Variants in FBXO41 observed in about 807,000 individuals in gnomAD.
The protein encoded by FBXO41 is F-box only protein 41.
In FBXO41, 33 loss-of-function variants were observed where a neutral mutation model predicts 81.6. That is an observed-to-expected ratio of 0.40 (90% CI 0.31 to 0.54). FBXO41 has a LOEUF of 0.54. FBXO41 is among the 20% of genes least tolerant of loss of function. The probability of loss-of-function intolerance (pLI) is 0.39; values close to 1 mark genes in which losing one functional copy is unlikely to be tolerated. For missense variants in FBXO41, 1,107 were observed against 1,236.0 expected (o/e 0.90, Z 1.56); for synonymous variants, 576 against 552.7 (o/e 1.04, Z -0.59).
At position 73,282,666 on chromosome 2, in the gene FBXO41, G is replaced by A. The variant is rs115971444; in HGVS notation, c.-139+1494C>T. Among the ~76,000 whole-genome samples, 1,126 of 152,270 alleles carry A rather than the reference G, an allele frequency of 7.4e-3. 11 individuals are homozygous for A. Among genetic ancestry groups the A allele is most frequent in the African/African-American group, 0.025 (1,049 of 41,552 alleles). Reference sequence around the variant, plus strand: ...TGCAGTGAGCCATGATCACTCCACCGCACTCCAGCCTTCGTGACAGAGCAA... The same window carrying A: ...TGCAGTGAGCCATGATCACTCCACCACACTCCAGCCTTCGTGACAGAGCAA... On this transcript the variant is annotated intron_variant, in intron 1 of 12. Coordinates refer to ENST00000520530, the MANE Select transcript of FBXO41 (RefSeq NM_001371389.2).
At chr2:73,282,434 T>A (rs1358996499) in intron 1 of FBXO41, among the ~76,000 whole-genome samples, 3 of 152,182 alleles carry the variant, frequency 2.0e-5, no homozygotes, top group Admixed American at 6.5e-5. Flanking sequence ...AAAACAAGGC[T>A]GTGCACAGTG....
At chr2:73,282,528 C>A (rs1688876576) in intron 1 of FBXO41, among the ~76,000 whole-genome samples, 1 of 152,100 alleles carries the variant, frequency 6.6e-6, no homozygotes, top group African/African-American at 2.4e-5. Context: ...CATAGGGAGA[C>A]CCTGTCTCTA....
At chr2:73,262,112 A>T (rs1688040127) in intron 9 of FBXO41, among the ~76,000 whole-genome samples, 1 of 152,166 alleles carries the variant, frequency 6.6e-6, no homozygotes, top group African/African-American at 2.4e-5. Flanking sequence ...AGTCCCAGCT[A>T]CTTGGGAGGC....
At chr2:73,270,863 G>A in intron 1 of FBXO41, 3 of 534,398 alleles carry the variant, frequency 5.6e-6, no homozygotes, top group South Asian at 2.8e-5. Context: ...GGCTTCCACT[G>A]CCCTGTGATC....
rs78021067 is a variant in FBXO41 at position 73,278,832 on chromosome 2, T to G, written c.-139+5328A>C. Among the ~76,000 whole-genome samples, 386 of 152,318 alleles carry G rather than the reference T, an allele frequency of 2.5e-3. 7 individuals are homozygous for G. Among genetic ancestry groups the G allele is most frequent in the East Asian group, 3.3e-3 (17 of 5,190 alleles). ...GCAAGGAAGTGAGAAAGAGTATTCC[T>G]CCTTCAGGGAACTAAAATGTAAGCT... is the stretch of plus-strand genomic sequence containing the variant. On this transcript the variant is annotated intron_variant, in intron 1 of 12. Transcript: ENST00000520530.
chr2:73,263,571 T>G (rs1424108693), intron 8 of FBXO41, 107 bp downstream of exon 8: 1 of 1,422,298 alleles, frequency 7.0e-7, no homozygotes, highest in South Asian at 1.4e-5. Context: ...ATAGAGCTCT[T>G]GGATCCCTTT....
At chr2:73,274,499 C>T (rs151142353) in intron 1 of FBXO41, among the ~76,000 whole-genome samples, 8 of 152,028 alleles carry the variant, frequency 5.3e-5, no homozygotes, top group South Asian at 2.1e-4. Flanking sequence ...TAAATTATGC[C>T]GCCGTAAAAT....
Position 73,263,742 on chromosome 2 carries a change from G to C in FBXO41, c.2011C>G (p.Leu671Val). The C allele has an allele frequency of 6.2e-7, 1 of 1,614,038 alleles. No individual in the cohort carries two copies. Among genetic ancestry groups the C allele is most frequent in the Non-Finnish European group, 8.5e-7 (1 of 1,179,900 alleles). The change falls in exon 8 of 13, where the codon CTC (leucine) becomes GTC (valine). Residue 671 changes from leucine (L) to valine (V), a missense_variant. By Grantham distance (32) the Leu-to-Val change is conservative. Transcript: ENST00000520530. The stretch of plus-strand genomic sequence containing the variant: ...GCCAGCCAGAGCGAGCGGTCGGTGA[G>C]GATGTTTGGACAGTGGGAGATGCGC... Reference protein sequence around the residue: ...ILRISHCPNILTDRSLWLASC... With the variant: ...ILRISHCPNIVTDRSLWLASC...
chr2:73,264,186 G>T, intron 6 of FBXO41, 92 bp downstream of exon 6: 1 of 1,587,388 alleles, frequency 6.3e-7, no homozygotes, highest in East Asian at 2.3e-5. Flanking sequence ...GTGTTGTAAG[G>T]GTTGCAAGGA....
At chr2:73,271,267 C>T (rs1364224086) in intron 1 of FBXO41, 1 of 286,506 alleles carries the variant, frequency 3.5e-6, no homozygotes, top group African/African-American at 2.2e-5. Context: ...CTGGTAACAG[C>T]ACCCTGCTTT....
At chr2:73,272,599 G>A (rs1688570962) in intron 1 of FBXO41, among the ~76,000 whole-genome samples, 1 of 152,206 alleles carries the variant, frequency 6.6e-6, no homozygotes, top group Non-Finnish European at 1.5e-5. Context: ...AGAAGGGGCA[G>A]ATGACCTTTT....
chr2:73,275,035 G>C (rs561794493), intron 1 of FBXO41, among the ~76,000 whole-genome samples: 1 of 147,268 alleles, frequency 6.8e-6, no homozygotes, highest in African/African-American at 2.5e-5. Flanking sequence ...GACTACAGGC[G>C]CCTGCCACCA....
rs1324815528 is a variant in FBXO41 at position 73,263,193 on chromosome 2, C to G, written c.2171+20G>C. ...CCAACCGTGTCCCCCCTCCTATCCCCCAAACCTGCCAGGGCTCACCAGGGG... is the reference window on the plus strand; with the variant it reads ...CCAACCGTGTCCCCCCTCCTATCCCGCAAACCTGCCAGGGCTCACCAGGGG... On this transcript the variant is annotated intron_variant, in intron 9 of 12. Coordinates refer to ENST00000520530, the MANE Select transcript of FBXO41 (RefSeq NM_001371389.2). 2 of 1,550,516 alleles carry G rather than the reference C, an allele frequency of 1.3e-6. No homozygotes were observed. Among genetic ancestry groups the G allele is most frequent in the African/African-American group, 2.7e-5 (2 of 73,016 alleles).
intron 9 of FBXO41, among the ~76,000 whole-genome samples, chr2:73,261,217 C>T (rs1042726964): frequency 3.9e-5 from 6 of 152,058 alleles, no homozygotes; most frequent in African/African-American, 1.2e-4. Flanking sequence ...CTACCATGCC[C>T]GGCTCATTTT....
At chr2:73,274,196 C>T (rs910780670) in intron 1 of FBXO41, among the ~76,000 whole-genome samples, 20 of 152,338 alleles carry the variant, frequency 1.3e-4, no homozygotes, top group African/African-American at 4.3e-4. Flanking sequence ...GATCTGGCCC[C>T]TGTGCTCTTG....
chr2:73,268,810 C>A lies in FBXO41; in HGVS notation c.821G>T (p.Arg274Leu). The change falls in exon 2 of 13, where the codon CGC becomes CTC. Residue 274 changes from arginine to leucine, a missense_variant. Arg to Leu is a moderately radical substitution (Grantham distance 102, BLOSUM62 -2). Transcript: ENST00000520530. ...CAGCTCTACGCTCACGTCCACCTGG[C>A]GGGAGAGCTCAGACGCGCGCTCCTC... ...ELEERASELS[R>L]QVDVSVELLA... 1.9e-6 allele frequency: 3 copies of A among 1,579,752 alleles called. No homozygotes were observed. The highest frequency in any genetic ancestry group is 2.7e-5 in the African/African-American group (2 of 74,010).
chr2:73,281,041 A>G (rs1477844142), intron 1 of FBXO41, among the ~76,000 whole-genome samples: 1 of 152,128 alleles, frequency 6.6e-6, no homozygotes, highest in Non-Finnish European at 1.5e-5. Context: ...GGGAGGTAAG[A>G]GCTTGCTGTG....
chr2:73,282,783 C>T (rs1688884279), intron 1 of FBXO41, among the ~76,000 whole-genome samples: 1 of 152,196 alleles, frequency 6.6e-6, no homozygotes, highest in African/African-American at 2.4e-5. Flanking sequence ...GTGTGGATAT[C>T]ACCAAACTCC....
chr2:73,281,863 T>A (rs769938300), intron 1 of FBXO41, among the ~76,000 whole-genome samples: 3 of 152,206 alleles, frequency 2.0e-5, no homozygotes, highest in Non-Finnish European at 4.4e-5. Flanking sequence ...CATGATAAAC[T>A]AGGATTTGAA....
Sources: allele counts gnomAD v4.1 joint callset (sites outside exome capture counted in the v4.1 genomes callset), GRCh38; gene constraint gnomAD v4.1.1; transcripts MANE v1.5; gene names NCBI Gene and HGNC (gene_info 2026-07-23, HGNC 2026-07-21).